TYW1B: variants seen among roughly 807,000 people sequenced by gnomAD.
TYW1B encodes S-adenosyl-L-methionine-dependent tRNA 4-demethylwyosine synthase TYW1B.
TYW1B carries 73 observed loss-of-function variants against 86.9 expected under a neutral mutation model. The ratio of observed to expected loss-of-function variants is 0.84; its 90% CI spans 0.70 to 1.02. TYW1B has a LOEUF of 1.02. Among genes scored for constraint, TYW1B ranks in the 50% least tolerant of loss-of-function variants. The pLI, the probability that TYW1B is intolerant of heterozygous loss-of-function variation, is 0.00. For synonymous variants in TYW1B, 248 were observed against 292.8 expected, an observed-to-expected ratio of 0.85 and a Z score of 1.56; for missense variants, 637 against 827.4, an observed-to-expected ratio of 0.77 and a Z score of 2.82.
chr7:72,783,397 A>G (rs1364269312), intron 6 of TYW1B, among the ~76,000 whole-genome samples: 1 of 151,590 alleles, frequency 6.6e-6, no homozygotes, highest in Non-Finnish European at 1.5e-5. Flanking sequence ...AAAAAAAAAA[A>G]AAAGAAACTT....
chr7:72,669,686 CT>C (rs1488213848), intron 11 of TYW1B, among the ~76,000 whole-genome samples: 1 of 151,980 alleles, frequency 6.6e-6, no homozygotes, highest in Non-Finnish European at 1.5e-5. Context: ...AGGAGAATTT[CT>C]TGAACCCGGG....
At chr7:72,638,638 T>C (rs1272766198) in intron 11 of TYW1B, among the ~76,000 whole-genome samples, 1 of 152,214 alleles carries the variant, frequency 6.6e-6, no homozygotes, top group Non-Finnish European at 1.5e-5. Context: ...CTTTTCAACA[T>C]GGTACTGGAA....
At chr7:72,699,416 T>A (rs1814403500) in intron 10 of TYW1B, among the ~76,000 whole-genome samples, 1 of 152,174 alleles carries the variant, frequency 6.6e-6, no homozygotes, top group African/African-American at 2.4e-5. Flanking sequence ...AGATCAGTGC[T>A]GATGAAAGTC....
At chr7:72,798,263 C>A (rs1401744364) in intron 6 of TYW1B, among the ~76,000 whole-genome samples, 1 of 151,822 alleles carries the variant, frequency 6.6e-6, no homozygotes, top group Non-Finnish European at 1.5e-5. Context: ...CAGTGGCAGG[C>A]GCCTGTAGTC....
Position 72,759,547 on chromosome 7 carries a change from T to C in TYW1B, c.965-14946A>G, listed in dbSNP as rs373504901. On this transcript the variant is annotated intron_variant, in intron 7 of 13. Coordinates refer to ENST00000620995, the MANE Select transcript of TYW1B (RefSeq NM_001145440.3). ...CACATTTTTCAATTGATGGGCAAAT[T>C]ACAAGGAAAATTCAGAGCACTAAGG... 1.2e-4 allele frequency among the ~76,000 whole-genome samples: 18 copies of C among 152,320 alleles called. 1 individual carries two copies. The highest frequency in any genetic ancestry group is 3.8e-4 in the African/African-American group (16 of 41,578).
rs148936616 is a variant in TYW1B at position 72,810,727 on chromosome 7, A to T, written c.238-62T>A. 7,805 of 1,522,636 alleles carry T rather than the reference A, an allele frequency of 5.1e-3. 77 individuals are homozygous for T. The highest frequency in any genetic ancestry group is 6.2e-3 in the Non-Finnish European group (6,969 of 1,133,120). 94.3% of individuals were successfully genotyped at this position (1,522,636 alleles called of 1,614,324 possible). A position where few individuals can be genotyped will look rare whatever the true frequency, so the allele number is the denominator to read the frequency against. ...AGGCATAAATTATCTCAACGAAGAA[A>T]ATCCTTTGAAAAAAAGCATACTCAT... On this transcript the variant is annotated intron_variant, in intron 3 of 13. Coordinates refer to ENST00000620995, the MANE Select transcript of TYW1B (RefSeq NM_001145440.3).
intron 12 of TYW1B, among the ~76,000 whole-genome samples, chr7:72,625,356 C>T (rs3015876): frequency 0.21 from 32,526 of 151,832 alleles, 4,210 homozygotes; most frequent in East Asian, 0.55. Flanking sequence ...CAGTGGCTCA[C>T]GTCTGTAATC....
At chr7:72,816,336 A>G (rs561739076) in intron 2 of TYW1B, among the ~76,000 whole-genome samples, 6 of 152,218 alleles carry the variant, frequency 3.9e-5, no homozygotes, top group African/African-American at 1.2e-4. Flanking sequence ...AGATTGCACC[A>G]TTGCACTCCA....
intron 7 of TYW1B, among the ~76,000 whole-genome samples, chr7:72,749,290 T>TAA (rs1380826652): frequency 6.6e-6 from 1 of 152,170 alleles, no homozygotes; most frequent in East Asian, 1.9e-4. Context: ...CTGATATTGA[T>TAA]GACTTGAGTT....
At chr7:72,664,680 T>A (rs1485996449) in intron 11 of TYW1B, among the ~76,000 whole-genome samples, 2 of 151,998 alleles carry the variant, frequency 1.3e-5, no homozygotes, top group Non-Finnish European at 2.9e-5. Flanking sequence ...GATGAGATAA[T>A]CTGTACAACG....
intron 2 of TYW1B, chr7:72,823,158 C>T (rs1788863184): frequency 6.6e-6 from 1 of 152,024 alleles, no homozygotes; most frequent in South Asian, 2.1e-4. Flanking sequence ...CAGGCGTGCA[C>T]CACCACGCCC....
chr7:72,654,528 G>A (rs1405280933), intron 11 of TYW1B, among the ~76,000 whole-genome samples: 1 of 152,146 alleles, frequency 6.6e-6, no homozygotes, highest in Admixed American at 6.5e-5. Context: ...AATATAAAAG[G>A]GGCATCCCTT....
chr7:72,733,009 T>C (rs1347309209), intron 8 of TYW1B, among the ~76,000 whole-genome samples: 8 of 151,952 alleles, frequency 5.3e-5, no homozygotes, highest in African/African-American at 1.9e-4. Flanking sequence ...AACGTAGAAA[T>C]TCCTGTACAC....
At chr7:72,770,026 T>C (rs539096744) in intron 7 of TYW1B, among the ~76,000 whole-genome samples, 23 of 151,740 alleles carry the variant, frequency 1.5e-4, no homozygotes, top group Non-Finnish European at 2.4e-4. Flanking sequence ...TGATACAAGA[T>C]TGCACCACTG....
chr7:72,806,743 T>C (rs1242012137), intron 5 of TYW1B, among the ~76,000 whole-genome samples: 1 of 152,000 alleles, frequency 6.6e-6, no homozygotes, highest in Non-Finnish European at 1.5e-5. Context: ...CTCAAATTCC[T>C]GGGCTCAAGC....
At chr7:72,719,631 CAAAAAAAAAAAAA>C (rs67560586) in intron 9 of TYW1B, among the ~76,000 whole-genome samples, 2 of 65,056 alleles carry the variant, frequency 3.1e-5, no homozygotes, top group East Asian at 9.7e-4. Context: ...ATTCCGTCTC[CAAAAAAAAAAAAA>C]AAAAAAAAAG....
chr7:72,647,235 T>C (rs1220851834), intron 11 of TYW1B, among the ~76,000 whole-genome samples: 11 of 152,220 alleles, frequency 7.2e-5, no homozygotes, highest in Admixed American at 2.6e-4. Flanking sequence ...ACAGGCATAT[T>C]TGTTCGTTGA....
intron 3 of TYW1B, among the ~76,000 whole-genome samples, chr7:72,811,775 G>A (rs1177609255): frequency 1.3e-5 from 2 of 151,770 alleles, no homozygotes; most frequent in African/African-American, 4.8e-5. Context: ...AGGCAGGCGT[G>A]GTAGTGGGTG....
At chr7:72,765,556 C>A (rs1236854093) in intron 7 of TYW1B, among the ~76,000 whole-genome samples, 1 of 152,118 alleles carries the variant, frequency 6.6e-6, no homozygotes, top group African/African-American at 2.4e-5. Flanking sequence ...ACCTCTACCT[C>A]CTAGGTTCAA....
Sources: allele counts gnomAD v4.1 joint callset (sites outside exome capture counted in the v4.1 genomes callset), GRCh38; gene constraint gnomAD v4.1.1; transcripts MANE v1.5; gene names NCBI Gene and HGNC (gene_info 2026-07-23, HGNC 2026-07-21).